TRERF1: variants seen among roughly 807,000 people sequenced by gnomAD.
The protein encoded by TRERF1 is transcriptional regulating factor 1, also known as transcriptional-regulating factor 1.
In TRERF1, 27 loss-of-function variants were observed where a neutral mutation model predicts 122.9. The ratio of observed to expected loss-of-function variants is 0.22; its 90% CI spans 0.16 to 0.30. The LOEUF (loss-of-function observed/expected upper bound fraction) is 0.30. Among genes scored for constraint, TRERF1 ranks in the 10% least tolerant of loss-of-function variants. The pLI is 1.00. For missense variants in TRERF1, 1,248 were observed against 1,560.3 expected (o/e 0.80, Z 3.37); for synonymous variants, 636 against 641.7 (o/e 0.99, Z 0.13).
Position 42,419,562 on chromosome 6 carries a change from T to G in TRERF1, c.-454+31615A>C, listed in dbSNP as rs77774167. Reference sequence around the variant, plus strand: ...GCACCTTACTATACACTGGGGGGATTCACAAGACACAATCCCTGAACTTGA... The same window carrying G: ...GCACCTTACTATACACTGGGGGGATGCACAAGACACAATCCCTGAACTTGA... On this transcript the variant is annotated intron_variant, in intron 2 of 17. Transcript: ENST00000372922. 9.8e-3 allele frequency among the ~76,000 whole-genome samples: 1,484 copies of G among 152,188 alleles called. 15 individuals are homozygous for G. Among genetic ancestry groups the G allele is most frequent in the Non-Finnish European group, 0.017 (1,147 of 68,020 alleles).
At chr6:42,266,185 ATTC>A (rs1179259982) in intron 5 of TRERF1, among the ~76,000 whole-genome samples, 2 of 135,442 alleles carry the variant, frequency 1.5e-5, no homozygotes, top group African/African-American at 5.4e-5. Flanking sequence ...CCCTGATGGA[ATTC>A]TTTTTTTTTT....
chr6:42,379,768 C>T (rs1378298546), intron 2 of TRERF1, among the ~76,000 whole-genome samples: 2 of 152,138 alleles, frequency 1.3e-5, no homozygotes, highest in East Asian at 1.9e-4. Context: ...TGAGCCCAAG[C>T]GATCCACCCA....
intron 2 of TRERF1, among the ~76,000 whole-genome samples, chr6:42,379,891 AC>A (rs1775610441): frequency 6.6e-6 from 1 of 152,194 alleles, no homozygotes; most frequent in African/African-American, 2.4e-5. Context: ...ACAAAACAGA[AC>A]AAGTTTTGGT....
chr6:42,374,072 G>T (rs1774314698), intron 2 of TRERF1, among the ~76,000 whole-genome samples: 2 of 151,698 alleles, frequency 1.3e-5, no homozygotes, highest in Non-Finnish European at 2.9e-5. Flanking sequence ...GTCGGAGGTT[G>T]CAGTGAGCCG....
At chr6:42,294,180 A>ATTT (rs70987589) in intron 4 of TRERF1, among the ~76,000 whole-genome samples, 8,605 of 129,088 alleles carry the variant, frequency 0.067, 448 homozygotes, top group African/African-American at 0.089. Flanking sequence ...CTATAATGTA[A>ATTT]TTTTTTTTTT....
chr6:42,329,067 T>C (rs1764785326), intron 3 of TRERF1, among the ~76,000 whole-genome samples: 1 of 152,112 alleles, frequency 6.6e-6, no homozygotes, highest in Non-Finnish European at 1.5e-5. Context: ...TGTGCTGTTA[T>C]CACAGTGAGG....
At chr6:42,306,757 T>C (rs1187712068) in intron 3 of TRERF1, among the ~76,000 whole-genome samples, 1 of 152,248 alleles carries the variant, frequency 6.6e-6, no homozygotes, top group Non-Finnish European at 1.5e-5. Context: ...GGAAGATGTC[T>C]CCATCCCTCT....
intron 3 of TRERF1, among the ~76,000 whole-genome samples, chr6:42,362,102 T>C (rs944641156): frequency 6.6e-6 from 1 of 152,042 alleles, no homozygotes; most frequent in Non-Finnish European, 1.5e-5. Context: ...CTTCTTGGCT[T>C]CTCTTAACTC....
rs1489671702 is a variant in TRERF1 at position 42,275,979 on chromosome 6, A to G, written c.-258-6131T>C. Among the ~76,000 whole-genome samples, 1 of 152,248 alleles carries G rather than the reference A, an allele frequency of 6.6e-6. No homozygotes were observed. The highest frequency in any genetic ancestry group is 1.5e-5 in the Non-Finnish European group (1 of 68,046). ...AACTTGAATTTTACATAATTTTCAC[A>G]TGCCAAATTCTGTTCTTCTTTTGAT... On this transcript the variant is annotated intron_variant, in intron 4 of 17. Transcript: ENST00000372922. The surrounding 1 kb of genome is among the most constrained non-coding windows in gnomAD (Gnocchi z 4.1).
rs1468818083 is a variant in TRERF1 at position 42,339,533 on chromosome 6, G to A, written c.-371+23464C>T. ...ATAGCTACGAATTGTACCCAAAGCT[G>A]CAAAAAACAATAAGCAAATTCTATT... On this transcript the variant is annotated intron_variant, in intron 3 of 17. Transcript: ENST00000372922. Among the ~76,000 whole-genome samples the A allele has an allele frequency of 1.1e-4, 17 of 152,168 alleles. 1 individual carries two copies. Among genetic ancestry groups the A allele is most frequent in the Admixed American group, 1.1e-3 (17 of 15,284 alleles).
At chr6:42,289,276 T>G (rs1345660417) in intron 4 of TRERF1, among the ~76,000 whole-genome samples, 3 of 151,508 alleles carry the variant, frequency 2.0e-5, no homozygotes, top group Admixed American at 2.0e-4. Flanking sequence ...CAGTGAGCCG[T>G]TATCATGCCA....
chr6:42,332,630 T>C (rs1240544530), intron 3 of TRERF1, among the ~76,000 whole-genome samples: 1 of 152,186 alleles, frequency 6.6e-6, no homozygotes, highest in Non-Finnish European at 1.5e-5. Context: ...AGGACCTCTC[T>C]TCCCACCACT....
At chr6:42,395,844 G>A (rs188046921) in intron 2 of TRERF1, among the ~76,000 whole-genome samples, 1 of 151,964 alleles carries the variant, frequency 6.6e-6, no homozygotes, top group African/African-American at 2.4e-5. Flanking sequence ...TCAAGGAGAA[G>A]CACGGCCTTA....
chr6:42,266,790 A>G (rs1443656489), intron 5 of TRERF1, among the ~76,000 whole-genome samples: 1 of 152,206 alleles, frequency 6.6e-6, no homozygotes, highest in Admixed American at 6.5e-5. Flanking sequence ...AGGGTTAATC[A>G]TGGTGCACAA....
chr6:42,241,798 T>C lies in TRERF1; in HGVS notation c.2859+1450A>G, dbSNP rs1773779408. ...TTTTATACTTCTTTAAGAAAATGTG[T>C]GGCCAGGTGCAGTGGCCTGAGATTA... is the stretch of plus-strand genomic sequence containing the variant. On this transcript the variant is annotated intron_variant, in intron 15 of 17. Coordinates refer to ENST00000372922, the Ensembl canonical transcript of TRERF1. 2.0e-5 allele frequency among the ~76,000 whole-genome samples: 3 copies of C among 152,178 alleles called. No homozygotes were observed. In the South Asian group the frequency reaches 6.2e-4, roughly 32 times the overall value.
intron 7 of TRERF1, 59 bp downstream of exon 7, chr6:42,264,645 A>G (rs1778818833): frequency 1.3e-6 from 2 of 1,586,228 alleles, no homozygotes; most frequent in Non-Finnish European, 1.7e-6. Context: ...GTCTGACGGC[A>G]GCAAAGCAAA....
At chr6:42,388,780 T>C (rs545029628) in intron 2 of TRERF1, among the ~76,000 whole-genome samples, 3 of 152,358 alleles carry the variant, frequency 2.0e-5, no homozygotes, top group Admixed American at 1.3e-4. Context: ...GTTCCATTCA[T>C]TGTGTACAAC....
chr6:42,417,117 A>G (rs1045779590), intron 2 of TRERF1, among the ~76,000 whole-genome samples: 22 of 152,114 alleles, frequency 1.4e-4, no homozygotes, highest in African/African-American at 5.3e-4. Flanking sequence ...AAAAAAGAGG[A>G]CAGACAGGTT....
At chr6:42,399,086 T>A (rs1312103290) in intron 2 of TRERF1, among the ~76,000 whole-genome samples, 1 of 152,170 alleles carries the variant, frequency 6.6e-6, no homozygotes, top group African/African-American at 2.4e-5. Flanking sequence ...TCAGGCAGCA[T>A]GGAGAGAAAA....
Sources: gnomAD v4.1 joint callset for allele counts (sites outside exome capture counted in the v4.1 genomes callset) on GRCh38, gnomAD v4.1.1 for gene constraint, Gnocchi (gnomAD v3.1) non-coding constraint, MANE v1.5 for transcripts, NCBI Gene and HGNC (gene_info 2026-07-23, HGNC 2026-07-21) for gene names.